The following BICD2 variants were observed in gnomAD, a reference collection of about 807,000 sequenced individuals.
BICD2 encodes BICD cargo adaptor 2, also known as protein bicaudal D homolog 2.
BICD2 carries 25 observed loss-of-function variants against 72.9 expected under a neutral mutation model. The observed-to-expected ratio is 0.34, with a 90% confidence interval of 0.25 to 0.48. BICD2 has a LOEUF of 0.48. Ranked by LOEUF, BICD2 falls within the 20% of genes least tolerant of loss-of-function variation. The pLI is 0.99. For synonymous variants in BICD2, 501 were observed against 516.1 expected (o/e 0.97, Z 0.40); for missense variants, 894 against 1,175.2 (o/e 0.76, Z 3.50).
chr9:92,764,516 G>C lies in BICD2; in HGVS notation c.229C>G (p.Gln77Glu), dbSNP rs1211317245. 2 of 1,534,704 alleles carry C rather than the reference G, an allele frequency of 1.3e-6. No homozygotes were observed. Among genetic ancestry groups the C allele is most frequent in the African/African-American group, 2.8e-5 (2 of 71,352 alleles). ...DYEAIRSEME[Q>E]LKEAFGQAHT... ...GCGGCTCGGCTCACCTCCTTGAGCT[G>C]CTCCATCTCGCTGCGGATAGCCTCA... The change falls in exon 1 of 7, where the codon CAG becomes GAG. Residue 77 changes from glutamine (Q) to glutamate (E), a missense_variant. This residue lies in a region of BICD2 where 192 missense variants were observed against 243.6 expected (regional missense o/e 0.79). Coordinates refer to ENST00000356884, the MANE Select transcript of BICD2 (RefSeq NM_001003800.2). The surrounding 1 kb of genome is among the most constrained non-coding windows in gnomAD (Gnocchi z 5.5).
chr9:92,714,376 C>A lies in BICD2; in HGVS notation c.*778G>T. Reference sequence around the variant, plus strand: ...CTAAGGACCAAGGTCTGGCCAGGCACTTGGAAAGCTTTTCTCATGAAAAAT... The same window carrying A: ...CTAAGGACCAAGGTCTGGCCAGGCAATTGGAAAGCTTTTCTCATGAAAAAT... On this transcript the variant is annotated 3_prime_UTR_variant, in exon 7 of 7. Coordinates refer to ENST00000356884, the MANE Select transcript of BICD2 (RefSeq NM_001003800.2). 1.0e-6 allele frequency: 1 copy of A among 985,506 alleles called. No homozygotes were observed. 61.0% of individuals were successfully genotyped at this position (985,506 alleles called of 1,614,324 possible).
rs141795787 is a variant in BICD2, at chr9:92,735,884, C to T, written c.241-6648G>A. Among the ~76,000 whole-genome samples the T allele has an allele frequency of 4.7e-3, 720 of 152,314 alleles. 13 individuals carry two copies. In the East Asian group the frequency reaches 0.049, roughly 10 times the overall value. On this transcript the variant is annotated intron_variant, in intron 1 of 6. Coordinates refer to ENST00000356884, the MANE Select transcript of BICD2 (RefSeq NM_001003800.2). Reference sequence around the variant, plus strand: ...AAGAGGCTGCCGGTCCCTGTCAGGGCAGTGCAGGCTCTGGGTGGCCCCTCT... The same window carrying T: ...AAGAGGCTGCCGGTCCCTGTCAGGGTAGTGCAGGCTCTGGGTGGCCCCTCT...
intron 1 of BICD2, 45 bp from the exon 2 acceptor site, chr9:92,729,281 C>T (rs763422756): frequency 6.3e-6 from 10 of 1,599,980 alleles, no homozygotes; most frequent in African/African-American, 1.3e-5. Context: ...CTCCCAGGGG[C>T]GCCGAAGGAT....
At chr9:92,730,807 T>C (rs912259) in intron 1 of BICD2, among the ~76,000 whole-genome samples, 41,814 of 152,026 alleles carry the variant, frequency 0.28, 6,857 homozygotes, top group East Asian at 0.76. Context: ...GATGCACAGA[T>C]GTCTATGGCA....
chr9:92,758,551 CAAA>C (rs35074765), intron 1 of BICD2, among the ~76,000 whole-genome samples: 3 of 95,696 alleles, frequency 3.1e-5, no homozygotes, highest in African/African-American at 8.8e-5. Context: ...GACTCCGTCT[CAAA>C]AAAAAAAAAA....
intron 1 of BICD2, among the ~76,000 whole-genome samples, chr9:92,758,234 G>GAATA (rs1159412254): frequency 2.1e-4 from 31 of 144,578 alleles, no homozygotes; most frequent in Non-Finnish European, 4.1e-4. Flanking sequence ...ATAATAATAT[G>GAATA]AATAAATAAA....
At chr9:92,743,856 T>TTA (rs1325240182) in intron 1 of BICD2, among the ~76,000 whole-genome samples, 1 of 152,132 alleles carries the variant, frequency 6.6e-6, no homozygotes, top group Non-Finnish European at 1.5e-5. Context: ...AAAAGGCTCT[T>TTA]TATAAAAGAG....
intron 2 of BICD2, 30 bp downstream of exon 2, chr9:92,728,994 C>T (rs766138275): frequency 6.2e-7 from 1 of 1,603,118 alleles, no homozygotes; most frequent in Non-Finnish European, 8.5e-7. Context: ...CTGCTGCAGC[C>T]ACAGACTAGG....
Position 92,714,014 on chromosome 9 carries a change from G to A in BICD2, c.*1140C>T. 1 of 986,846 alleles carries A rather than the reference G, an allele frequency of 1.0e-6. No individual in the cohort carries two copies. The highest frequency in any genetic ancestry group is 1.2e-6 in the Non-Finnish European group (1 of 830,854). 61.1% of individuals were successfully genotyped at this position (986,846 alleles called of 1,614,324 possible). On this transcript the variant is annotated 3_prime_UTR_variant, in exon 7 of 7. Transcript: ENST00000356884. Reference sequence around the variant, plus strand: ...CTGAGAAAAGTTCTGCTCAGAATGTGGGAAGGCAGGTGTGGATGGAGCCTC... The same window carrying A: ...CTGAGAAAAGTTCTGCTCAGAATGTAGGAAGGCAGGTGTGGATGGAGCCTC...
chr9:92,756,389 G>A (rs1854257944), intron 1 of BICD2, among the ~76,000 whole-genome samples: 1 of 151,670 alleles, frequency 6.6e-6, no homozygotes, highest in Non-Finnish European at 1.5e-5. Flanking sequence ...AGCCTCCCAA[G>A]TAGCTGGGAC....
intron 1 of BICD2, among the ~76,000 whole-genome samples, chr9:92,749,041 TCAGA>T (rs997752047): frequency 1.3e-5 from 2 of 151,842 alleles, no homozygotes; most frequent in African/African-American, 4.8e-5. Context: ...CCTGAGGAAC[TCAGA>T]CAGCCTCACC....
Position 92,720,202 on chromosome 9 carries a change from G to C in BICD2, c.1062+98C>G, listed in dbSNP as rs532966659. ...AGATAAAATCAACGTAAGGAAAAGG[G>C]AAAGTTAACATCAGCAGAGTGTCAG... On this transcript the variant is annotated intron_variant, in intron 4 of 6. Transcript: ENST00000356884. The surrounding 1 kb of genome is among the most constrained non-coding windows in gnomAD (Gnocchi z 5.4). 2 of 1,209,826 alleles carry C rather than the reference G, an allele frequency of 1.7e-6. No individual in the cohort carries two copies. The highest frequency in any genetic ancestry group is 2.7e-5 in the Admixed American group (1 of 36,772). 74.9% of individuals were successfully genotyped at this position (1,209,826 alleles called of 1,614,324 possible).
intron 1 of BICD2, among the ~76,000 whole-genome samples, chr9:92,734,500 C>T (rs2131514880): frequency 7.2e-6 from 1 of 139,242 alleles, no homozygotes; most frequent in African/African-American, 2.8e-5. Context: ...GGTGATAGAG[C>T]TAGACCCTGT....
Position 92,720,902 on chromosome 9 carries a change from G to C in BICD2, c.607-147C>G. ...CAGGTGAGGTGCCATCCTGGGAAGG[G>C]TGGCAGCCCGTCCAGGCCAAGACTG... On this transcript the variant is annotated intron_variant, in intron 3 of 6. Coordinates refer to ENST00000356884, the MANE Select transcript of BICD2 (RefSeq NM_001003800.2). The surrounding 1 kb of genome is among the most constrained non-coding windows in gnomAD (Gnocchi z 5.4). 1 of 808,646 alleles carries C rather than the reference G, an allele frequency of 1.2e-6. No homozygotes were observed. The highest frequency in any genetic ancestry group is 1.9e-6 in the Non-Finnish European group (1 of 524,410). The allele number at this position is 808,646 out of a possible 1,614,324, so 50.1% of individuals were successfully genotyped here.
chr9:92,752,365 T>C (rs1479102382), intron 1 of BICD2, among the ~76,000 whole-genome samples: 2 of 148,740 alleles, frequency 1.3e-5, no homozygotes, highest in Non-Finnish European at 3.0e-5. Context: ...CATGATGTGG[T>C]ATGTTAAAGG....
intron 1 of BICD2, among the ~76,000 whole-genome samples, chr9:92,750,453 GAA>G (rs200390644): frequency 2.9e-5 from 4 of 139,442 alleles, no homozygotes; most frequent in African/African-American, 1.1e-4. Flanking sequence ...TGTGATTTAA[GAA>G]AAAAAAAAAG....
Position 92,720,205 on chromosome 9 carries a change from A to C in BICD2, c.1062+95T>G. ...TAAAATCAACGTAAGGAAAAGGGAA[A>C]GTTAACATCAGCAGAGTGTCAGGTA... On this transcript the variant is annotated intron_variant, in intron 4 of 6. Transcript: ENST00000356884. The surrounding 1 kb of genome is among the most constrained non-coding windows in gnomAD (Gnocchi z 5.4). 8.2e-7 allele frequency: 1 copy of C among 1,226,110 alleles called. No individual in the cohort carries two copies. Among genetic ancestry groups the C allele is most frequent in the Non-Finnish European group, 1.1e-6 (1 of 896,946 alleles). The allele number at this position is 1,226,110 out of a possible 1,614,324, so 76.0% of individuals were successfully genotyped here. A position where few individuals can be genotyped will look rare whatever the true frequency, so the allele number is the denominator to read the frequency against.
intron 2 of BICD2, among the ~76,000 whole-genome samples, chr9:92,728,485 T>A (rs1027376880): frequency 5.9e-5 from 9 of 152,136 alleles, no homozygotes; most frequent in Non-Finnish European, 1.2e-4. Flanking sequence ...CTGCGGGCAC[T>A]CTGCTGTGAA....
intron 1 of BICD2, among the ~76,000 whole-genome samples, chr9:92,748,196 G>A (rs920417211): frequency 1.3e-5 from 2 of 152,064 alleles, no homozygotes; most frequent in Non-Finnish European, 2.9e-5. Flanking sequence ...GCTTGCCCCT[G>A]TCCTGGGTCT....
Sources: allele counts gnomAD v4.1 joint callset (sites outside exome capture counted in the v4.1 genomes callset), GRCh38; gene constraint gnomAD v4.1.1; regional missense constraint gnomAD v4.1.1; non-coding constraint Gnocchi (gnomAD v3.1); transcripts MANE v1.5; gene names NCBI Gene and HGNC (gene_info 2026-07-23, HGNC 2026-07-21).